Variants in EPHA10 observed in about 807,000 individuals in gnomAD.
EPHA10 encodes ephrin type-A receptor 10.
Under a neutral mutation model 109.7 loss-of-function variants are expected in EPHA10, and 120 were observed. The observed-to-expected ratio is 1.09, with a 90% CI of 0.94 to 1.27. The LOEUF is 1.27. Ranked by LOEUF, EPHA10 falls within the 50% of genes most tolerant of loss-of-function variation. The probability of loss-of-function intolerance (pLI) is 0.00; values close to 1 mark genes in which losing one functional copy is unlikely to be tolerated. For missense variants in EPHA10, 1,396 were observed against 1,411.1 expected (o/e 0.99, Z 0.17); for synonymous variants, 640 against 618.9 (o/e 1.03, Z -0.51).
chr1:37,764,489 G>C lies in EPHA10; in HGVS notation c.106+472C>G, dbSNP rs58011114. On this transcript the variant is annotated intron_variant, in intron 1 of 16. Transcript: ENST00000373048. This position sits in a 1 kb window ranked among gnomAD's most constrained non-coding sequence, Gnocchi z 5.8. ...CTGCGGACAGTTCCATGATCAGCAC[G>C]TCGGGCAGCGCCCGGATCCAGCCCC... Among the ~76,000 whole-genome samples, 1 of 152,192 alleles carries C rather than the reference G, an allele frequency of 6.6e-6. No individual in the cohort carries two copies. Among genetic ancestry groups the C allele is most frequent in the Non-Finnish European group, 1.5e-5 (1 of 68,044 alleles).
chr1:37,722,873 C>CT, intron 10 of EPHA10, 168 bp downstream of exon 10: 1 of 1,003,506 alleles, frequency 1.0e-6, no homozygotes, highest in Non-Finnish European at 1.5e-6. Flanking sequence ...AAGCCAGGGA[C>CT]TTTCTGGGTG....
At position 37,762,020 on chromosome 1, in the gene EPHA10, C is replaced by T. The variant is rs1283488094; in HGVS notation, c.235G>A (p.Val79Met). 1 of 1,613,840 alleles carries T rather than the reference C, an allele frequency of 6.2e-7. No homozygotes were observed. The highest frequency in any genetic ancestry group is 1.1e-5 in the South Asian group (1 of 91,010). Reference protein sequence around the residue: ...RPIRTYQVCNVLEPNQDNWLQ... With the variant: ...RPIRTYQVCNMLEPNQDNWLQ... ...CAGTTGTCCTGGTTGGGCTCCAGCA[C>T]ATTGCACACTTGGTACGTGCGGATG... Residue 79 changes from valine (V) to methionine (M), a missense_variant, in exon 3 of 17, where the codon GTG becomes ATG. Coordinates refer to ENST00000373048, the MANE Select transcript of EPHA10 (RefSeq NM_001099439.2).
At chr1:37,715,774 G>A (rs563567107), downstream of EPHA10, 31 of 420,480 alleles carry the variant, frequency 7.4e-5, no homozygotes, top group African/African-American at 6.2e-4. Flanking sequence ...AGGGCACCCA[G>A]TTCCCCTCGG....
Position 37,726,043 on chromosome 1 carries a change from G to A in EPHA10, c.1772+1059C>T, listed in dbSNP as rs542204449. On this transcript the variant is annotated intron_variant, in intron 8 of 16. Coordinates refer to ENST00000373048, the MANE Select transcript of EPHA10 (RefSeq NM_001099439.2). ...TCCCGCGCTGGCTTGCTCCGCCTCT[G>A]TAGTGCACCTGTCCCTGGGGCGCTC... is the stretch of plus-strand genomic sequence containing the variant. 2.0e-4 allele frequency among the ~76,000 whole-genome samples: 31 copies of A among 152,360 alleles called. No individual in the cohort carries two copies. The South Asian group carries it at 6.2e-3, about 31-fold the overall frequency.
Position 37,731,508 on chromosome 1 carries a change from A to G in EPHA10, c.1566T>C (p.Ala522=). Residue 522 remains alanine (A), a synonymous_variant, in exon 7 of 17, where the codon GCT becomes GCC. Coordinates refer to ENST00000373048, the MANE Select transcript of EPHA10 (RefSeq NM_001099439.2). ...PTVTVTNLKP[A]TRYVFQIRAA... is the part of the protein sequence containing the mutation. ...CCCGGATCTGAAAGACGTAGCGGGT[A>G]GCCGGCTTCAGGTTGGTGACGGTGA... 5 of 1,613,502 alleles carry G rather than the reference A, an allele frequency of 3.1e-6. No homozygotes were observed. The highest frequency in any genetic ancestry group is 4.2e-6 in the Non-Finnish European group (5 of 1,179,626).
At chr1:37,732,863 C>CTTTTTTTTTTTTTTTTTTTTT (rs56226051) in intron 6 of EPHA10, among the ~76,000 whole-genome samples, 2 of 25,044 alleles carry the variant, frequency 8.0e-5, no homozygotes, top group African/African-American at 1.3e-4. Flanking sequence ...TATACTTGTT[C>CTTTTTTTTTTTTTTTTTTTTT]TTTTTTTTTT....
At chr1:37,748,048 C>T (rs549829872) in intron 5 of EPHA10, among the ~76,000 whole-genome samples, 3 of 152,210 alleles carry the variant, frequency 2.0e-5, no homozygotes, top group South Asian at 2.1e-4. Context: ...CTGATCAAGA[C>T]GTTACAGTAA....
Position 37,731,546 on chromosome 1 carries a change from CT to C in EPHA10, c.1527del (p.Ala511ArgfsTer9), listed in dbSNP as rs1376762440. On this transcript the variant is annotated frameshift_variant, in exon 7 of 17. Coordinates refer to ENST00000373048, the MANE Select transcript of EPHA10 (RefSeq NM_001099439.2). LOFTEE classifies it high-confidence loss of function. ...TTGGTGACGGTGACTGTGGGCGCCC[CT>C]GTCTTCACCATGGAGTAAGTCTGCT... ...QSEQTYSMVK[T>X]GAPTVTVTNL... 2 of 1,613,930 alleles carry C rather than the reference CT, an allele frequency of 1.2e-6. No homozygotes were observed. The highest frequency in any genetic ancestry group is 1.3e-5 in the African/African-American group (1 of 75,030).
At chr1:37,751,201 C>CA (rs1320111085) in intron 5 of EPHA10, among the ~76,000 whole-genome samples, 2,626 of 45,732 alleles carry the variant, frequency 0.057, 100 homozygotes, top group African/African-American at 0.1. Flanking sequence ...AGACTCCTCT[C>CA]AAAAAAAAAA....
intron 5 of EPHA10, among the ~76,000 whole-genome samples, chr1:37,736,215 G>A (rs765763680): frequency 1.1e-4 from 17 of 151,992 alleles, no homozygotes; most frequent in Non-Finnish European, 2.2e-4. Context: ...AAGACCAGCC[G>A]GGCAGGTGGA....
chr1:37,733,239 T>C (rs984137017), intron 6 of EPHA10, among the ~76,000 whole-genome samples: 8 of 152,104 alleles, frequency 5.3e-5, no homozygotes, highest in Admixed American at 3.9e-4. Context: ...TGGGTTTTTT[T>C]GAGACAGGGT....
intron 10 of EPHA10, 52 bp from the exon 11 acceptor site, chr1:37,721,897 G>A (rs1276369322): frequency 2.8e-6 from 4 of 1,434,270 alleles, no homozygotes; most frequent in South Asian, 1.5e-5. Context: ...CCCTGGCTGA[G>A]CTGGGCAGGC....
At position 37,719,534 on chromosome 1, in the gene EPHA10, A is replaced by G; in HGVS notation, c.2636T>C (p.Met879Thr). Residue 879 changes from methionine to threonine, a missense_variant, in exon 15 of 17, where the codon ATG becomes ACG. Met to Thr is a moderately conservative substitution (Grantham distance 81, BLOSUM62 -1). Transcript: ENST00000373048. ...TGGGTCCTTCTGCCAGCAGTCGAGC[A>G]TTAGTCGGTGCAGAAGGTTAGGACA... ...RNCPNLLHRLMLDCWQKDPGE... is the reference protein window; with the variant it reads ...RNCPNLLHRLTLDCWQKDPGE... 1 of 1,614,054 alleles carries G rather than the reference A, an allele frequency of 6.2e-7. No homozygotes were observed. Among genetic ancestry groups the G allele is most frequent in the Non-Finnish European group, 8.5e-7 (1 of 1,180,032 alleles).
In EPHA10 at chr1:37,723,031, C is replaced by T. The variant is rs775043230; in HGVS notation, c.1960+10G>A. On this transcript the variant is annotated intron_variant, in intron 10 of 16. Transcript: ENST00000373048. ...AGATGGGGACAAGGCTTCCTGGGCG[C>T]CCAGCTTGCCTCCTCCAAGGCTCCT... is the stretch of plus-strand genomic sequence containing the variant. 3.1e-6 allele frequency: 5 copies of T among 1,614,052 alleles called. No individual in the cohort carries two copies. In the Admixed American group the frequency reaches 6.7e-5, roughly 22 times the overall value.
intron 5 of EPHA10, among the ~76,000 whole-genome samples, chr1:37,750,557 G>C (rs1021052136): frequency 6.6e-6 from 1 of 151,748 alleles, no homozygotes. Context: ...AGAAGTTCTA[G>C]TCAAAGCAGT....
At position 37,752,862 on chromosome 1, in the gene EPHA10, G is replaced by A. The variant is rs1220945472; in HGVS notation, c.1357+14C>T. 3 of 1,257,686 alleles carry A rather than the reference G, an allele frequency of 2.4e-6. No individual in the cohort carries two copies. Among genetic ancestry groups the A allele is most frequent in the African/African-American group, 3.1e-5 (2 of 63,978 alleles). 77.9% of individuals were successfully genotyped at this position (1,257,686 alleles called of 1,614,324 possible). On this transcript the variant is annotated intron_variant, in intron 5 of 16. Transcript: ENST00000373048. ...GCGCGGTGGCCTCGGGGTGGGGGGC[G>A]CGGACGGCCTTACCCCCGGGCCCGG...
chr1:37,737,432 A>T (rs886872680), intron 5 of EPHA10, among the ~76,000 whole-genome samples: 11 of 152,230 alleles, frequency 7.2e-5, no homozygotes, highest in African/African-American at 2.2e-4. Context: ...GAAACAGAAT[A>T]CAGAGCCCAG....
At position 37,753,161 on chromosome 1, in the gene EPHA10, G is replaced by A. The variant is rs1448282878; in HGVS notation, c.1072C>T (p.Arg358Cys). The A allele has an allele frequency of 7.1e-7, 1 of 1,407,286 alleles. No individual in the cohort carries two copies. The highest frequency in any genetic ancestry group is 3.1e-5 in the East Asian group (1 of 32,100). 87.2% of individuals were successfully genotyped at this position (1,407,286 alleles called of 1,614,324 possible). The change falls in exon 5 of 17, where the codon CGC (arginine) becomes TGC (cysteine). Residue 358 changes from arginine to cysteine, a missense_variant. Coordinates refer to ENST00000373048, the MANE Select transcript of EPHA10 (RefSeq NM_001099439.2). Reference sequence around the variant, plus strand: ...CCCGAGTCGGCCGGCGGCAGCCAGCGCAGTCGCAGCACCAGCGGCGAGCGG... The same window carrying A: ...CCCGAGTCGGCCGGCGGCAGCCAGCACAGTCGCAGCACCAGCGGCGAGCGG... ...LSRSPLVLRL[R>C]WLPPADSGGR...
chr1:37,751,567 C>CA (rs34755028), intron 5 of EPHA10, among the ~76,000 whole-genome samples: 28 of 141,990 alleles, frequency 2.0e-4, no homozygotes, highest in African/African-American at 5.3e-4. Flanking sequence ...AACTCCATTT[C>CA]AAAAAAAAAA....
Sources: allele counts gnomAD v4.1 joint callset (sites outside exome capture counted in the v4.1 genomes callset), GRCh38; gene constraint gnomAD v4.1.1; non-coding constraint Gnocchi (gnomAD v3.1); transcripts MANE v1.5; gene names NCBI Gene and HGNC (gene_info 2026-07-23, HGNC 2026-07-21).